FBXO15: variants seen among roughly 807,000 people sequenced by gnomAD.
FBXO15 encodes the protein F-box only protein 15.
Under a neutral mutation model 49.5 loss-of-function variants are expected in FBXO15, and 30 were observed. The ratio of observed to expected loss-of-function variants is 0.61; its 90% CI spans 0.45 to 0.82. FBXO15 has a LOEUF of 0.82. FBXO15 is among the 40% of genes least tolerant of loss of function. The pLI, the probability that FBXO15 is intolerant of heterozygous loss-of-function variation, is 0.00. For synonymous variants in FBXO15, 250 were observed against 232.7 expected (o/e 1.07, Z -0.68); for missense variants, 591 against 631.5 (o/e 0.94, Z 0.69).
At chr18:74,142,159 C>G (rs1273625632) in intron 1 of FBXO15, among the ~76,000 whole-genome samples, 1 of 152,082 alleles carries the variant, frequency 6.6e-6, no homozygotes, top group Non-Finnish European at 1.5e-5. Flanking sequence ...GACTTTCTAG[C>G]CAATGGTTTT....
At chr18:74,104,415 A>C (rs1412131038) in intron 8 of FBXO15, among the ~76,000 whole-genome samples, 1 of 152,188 alleles carries the variant, frequency 6.6e-6, no homozygotes, top group Non-Finnish European at 1.5e-5. Context: ...AAGTGGCAGT[A>C]GTAAGTGTTT....
At chr18:74,111,642 C>A (rs542513162) in intron 8 of FBXO15, among the ~76,000 whole-genome samples, 4 of 150,840 alleles carry the variant, frequency 2.7e-5, no homozygotes, top group Non-Finnish European at 5.9e-5. Flanking sequence ...AAAATGTGAG[C>A]AAATTAAATC....
intron 8 of FBXO15, among the ~76,000 whole-genome samples, chr18:74,096,336 TG>T (rs1913272555): frequency 6.6e-6 from 1 of 152,112 alleles, no homozygotes; most frequent in African/African-American, 2.4e-5. Context: ...CACTGGTTCC[TG>T]GGCACAAACC....
At chr18:74,113,409 A>G (rs927203075) in intron 8 of FBXO15, among the ~76,000 whole-genome samples, 3 of 152,190 alleles carry the variant, frequency 2.0e-5, no homozygotes, top group Admixed American at 6.5e-5. Context: ...CATTAAATAT[A>G]TAACACCAAG....
intron 3 of FBXO15, among the ~76,000 whole-genome samples, chr18:74,134,094 ATGTGTGTGTT>A (rs1978563172): frequency 1.3e-5 from 2 of 152,184 alleles, no homozygotes; most frequent in African/African-American, 2.4e-5. Context: ...TGATATGTGT[ATGTGTGTGTT>A]TGTGTGTGTG....
At chr18:74,077,971 T>C (rs931757654) in intron 9 of FBXO15, among the ~76,000 whole-genome samples, 2 of 152,014 alleles carry the variant, frequency 1.3e-5, no homozygotes, top group Non-Finnish European at 1.5e-5. Flanking sequence ...TTAGATCCTA[T>C]GGGAGGAAGG....
At chr18:74,103,189 A>G (rs140208549) in intron 8 of FBXO15, among the ~76,000 whole-genome samples, 1 of 152,250 alleles carries the variant, frequency 6.6e-6, no homozygotes, top group African/African-American at 2.4e-5. Flanking sequence ...ATAAAAAGTC[A>G]AACAGAAATC....
chr18:74,093,624 A>G (rs559877721), intron 8 of FBXO15, among the ~76,000 whole-genome samples: 2 of 152,350 alleles, frequency 1.3e-5, no homozygotes, highest in South Asian at 4.1e-4. Context: ...AAGTTTTATC[A>G]TGAGATTAAA....
intron 3 of FBXO15, among the ~76,000 whole-genome samples, chr18:74,133,788 A>G (rs1001607048): frequency 6.6e-6 from 1 of 152,184 alleles, no homozygotes; most frequent in African/African-American, 2.4e-5. Context: ...AGAGAGAAAT[A>G]GAGTGAGTGA....
At chr18:74,125,872 G>T in intron 6 of FBXO15, 103 bp downstream of exon 6, 2 of 1,471,916 alleles carry the variant, frequency 1.4e-6, no homozygotes, top group Non-Finnish European at 9.1e-7. Flanking sequence ...TGCAGTTAGT[G>T]AAAAGCTTAA....
intron 9 of FBXO15, among the ~76,000 whole-genome samples, chr18:74,076,796 C>T (rs1049928110): frequency 1.5e-4 from 23 of 152,148 alleles, no homozygotes; most frequent in Non-Finnish European, 8.8e-5. Context: ...CTGGCCTCAT[C>T]CGCCCATCCC....
intron 8 of FBXO15, among the ~76,000 whole-genome samples, chr18:74,120,970 A>G (rs1041851307): frequency 1.1e-4 from 16 of 152,300 alleles, no homozygotes; most frequent in African/African-American, 3.4e-4. Flanking sequence ...TGAATTACCA[A>G]TATCAGGAAT....
chr18:74,118,009 CTTTT>C (rs35355168), intron 8 of FBXO15, among the ~76,000 whole-genome samples: 1 of 141,278 alleles, frequency 7.1e-6, no homozygotes, highest in African/African-American at 2.6e-5. Flanking sequence ...ATACATATTT[CTTTT>C]TTTTTTTTTT....
At chr18:74,121,060 G>C (rs1306647076) in intron 8 of FBXO15, among the ~76,000 whole-genome samples, 1 of 152,068 alleles carries the variant, frequency 6.6e-6, no homozygotes, top group African/African-American at 2.4e-5. Flanking sequence ...AATAAAGTCA[G>C]CAACTTAGAT....
intron 8 of FBXO15, among the ~76,000 whole-genome samples, chr18:74,091,582 T>G (rs771573312): frequency 9.2e-5 from 14 of 152,228 alleles, no homozygotes; most frequent in Non-Finnish European, 1.3e-4. Flanking sequence ...GCAGGTCTGA[T>G]GGTATCAAAA....
At chr18:74,145,784 G>C (rs1330243745) in intron 1 of FBXO15, among the ~76,000 whole-genome samples, 2 of 151,944 alleles carry the variant, frequency 1.3e-5, no homozygotes, top group African/African-American at 2.4e-5. Context: ...ATTTTTAGTA[G>C]AGACGGGGTT....
intron 8 of FBXO15, among the ~76,000 whole-genome samples, chr18:74,082,884 A>C (rs1174131741): frequency 6.6e-6 from 1 of 152,174 alleles, no homozygotes; most frequent in African/African-American, 2.4e-5. Context: ...CAAACAGAAA[A>C]ATCATGGAAA....
rs1157641455 is a variant in FBXO15, at chr18:74,095,078, C to T, written c.1139-13027G>A. On this transcript the variant is annotated intron_variant, in intron 8 of 9. Transcript: ENST00000419743. ...TCTGCAGCTTCCTACCTTTTATCAG[C>T]ATTCACAGAATAAAAGGGAGTTAGG... Among the ~76,000 whole-genome samples, 4 of 152,232 alleles carry T rather than the reference C, an allele frequency of 2.6e-5. No individual in the cohort carries two copies. The East Asian group carries it at 7.7e-4, about 29-fold the overall frequency.
intron 5 of FBXO15, among the ~76,000 whole-genome samples, chr18:74,127,296 C>T (rs1039108064): frequency 2.0e-5 from 3 of 152,220 alleles, no homozygotes; most frequent in Non-Finnish European, 4.4e-5. Context: ...GTGCTGAGTC[C>T]TCATGTGCTT....
Sources: allele counts gnomAD v4.1 joint callset (sites outside exome capture counted in the v4.1 genomes callset), GRCh38; gene constraint gnomAD v4.1.1; transcripts MANE v1.5; gene names NCBI Gene and HGNC (gene_info 2026-07-23, HGNC 2026-07-21).